Variants in NRXN3 observed in about 807,000 individuals in gnomAD.
NRXN3 encodes the protein neurexin 3, also known as neurexin III.
NRXN3 carries 32 observed loss-of-function variants against 137.6 expected under a neutral mutation model. That is an observed-to-expected ratio of 0.23 (90% CI 0.18 to 0.31). The LOEUF is 0.31. NRXN3 is among the 10% of genes least tolerant of loss of function. NRXN3 has a pLI of 1.00. For missense variants in NRXN3, 1,574 were observed against 2,062.5 expected (o/e 0.76, Z 4.59); for synonymous variants, 798 against 784.5 (o/e 1.02, Z -0.29).
chr14:78,891,158 G>A (rs184816350), intron 10 of NRXN3, among the ~76,000 whole-genome samples: 21 of 151,944 alleles, frequency 1.4e-4, no homozygotes, highest in Non-Finnish European at 2.4e-4. Flanking sequence ...AGGGTGCCAC[G>A]TCTGTCCAAT....
chr14:78,285,573 GT>G (rs1283088381), intron 3 of NRXN3, among the ~76,000 whole-genome samples: 1 of 152,134 alleles, frequency 6.6e-6, no homozygotes, highest in African/African-American at 2.4e-5. Context: ...TTCCACTAGA[GT>G]GTACACTTCA....
chr14:78,325,869 G>C (rs1236942305), intron 4 of NRXN3, among the ~76,000 whole-genome samples: 2 of 152,104 alleles, frequency 1.3e-5, no homozygotes, highest in Non-Finnish European at 2.9e-5. Flanking sequence ...GTTGAGCTTT[G>C]TATTATTCAA....
chr14:78,423,905 G>T (rs900406411), intron 4 of NRXN3, among the ~76,000 whole-genome samples: 12 of 152,202 alleles, frequency 7.9e-5, no homozygotes, highest in Non-Finnish European at 1.6e-4. Context: ...AGGAAATATT[G>T]TTCCCGTAGG....
intron 8 of NRXN3, among the ~76,000 whole-genome samples, chr14:78,717,345 A>C (rs1332987443): frequency 6.6e-6 from 1 of 152,142 alleles, no homozygotes; most frequent in Admixed American, 6.6e-5. Flanking sequence ...CTGATTGGGG[A>C]TATATGAGGG....
At chr14:78,346,061 A>G (rs896402941) in intron 4 of NRXN3, among the ~76,000 whole-genome samples, 5 of 152,176 alleles carry the variant, frequency 3.3e-5, no homozygotes, top group African/African-American at 4.8e-5. Context: ...GGGAAAGGCC[A>G]TGGGTGCTGG....
chr14:78,655,512 C>G (rs1202211544), intron 6 of NRXN3, among the ~76,000 whole-genome samples: 1 of 152,042 alleles, frequency 6.6e-6, no homozygotes, highest in Non-Finnish European at 1.5e-5. Context: ...TCCCACCTGC[C>G]CTCAATGATG....
In NRXN3 at chr14:79,530,966, G is replaced by T. The variant is rs1212854736; in HGVS notation, c.3444+63564G>T. Reference sequence around the variant, plus strand: ...TTATCTCACGGAAACATGAAGAAATGTCTTCATTAATGTTTTTGATCTCAG... The same window carrying T: ...TTATCTCACGGAAACATGAAGAAATTTCTTCATTAATGTTTTTGATCTCAG... On this transcript the variant is annotated intron_variant, in intron 16 of 20. Transcript: ENST00000335750. Among the ~76,000 whole-genome samples, 10 of 152,220 alleles carry T rather than the reference G, an allele frequency of 6.6e-5. No individual in the cohort carries two copies. The South Asian group carries it at 1.5e-3, about 22-fold the overall frequency.
At chr14:78,602,202 A>G (rs111345822) in intron 4 of NRXN3, among the ~76,000 whole-genome samples, 1 of 146,514 alleles carries the variant, frequency 6.8e-6, no homozygotes, top group African/African-American at 2.6e-5. Context: ...TCAGAAAACA[A>G]TTTTCTTTCT....
intron 4 of NRXN3, among the ~76,000 whole-genome samples, chr14:78,474,294 A>G (rs901969333): frequency 6.6e-6 from 1 of 152,234 alleles, no homozygotes; most frequent in African/African-American, 2.4e-5. Context: ...TGGAGTGTAC[A>G]TAACAAGGGG....
intron 19 of NRXN3, among the ~76,000 whole-genome samples, chr14:79,758,032 C>G (rs2099025671): frequency 6.6e-6 from 1 of 152,004 alleles, no homozygotes; most frequent in Non-Finnish European, 1.5e-5. Context: ...GTGAACTGAC[C>G]TTAAGGGAAT....
intron 4 of NRXN3, among the ~76,000 whole-genome samples, chr14:78,397,506 C>A (rs2091592212): frequency 6.6e-6 from 1 of 151,494 alleles, no homozygotes; most frequent in Non-Finnish European, 1.5e-5. Flanking sequence ...TTTTTTTTCC[C>A]ATTCTTAAAA....
At chr14:79,325,323 T>C (rs2090688995) in intron 15 of NRXN3, among the ~76,000 whole-genome samples, 3 of 152,152 alleles carry the variant, frequency 2.0e-5, no homozygotes, top group African/African-American at 4.8e-5. Context: ...GCCATGCTAG[T>C]ATTGACAAGG....
intron 10 of NRXN3, among the ~76,000 whole-genome samples, chr14:78,944,662 C>G (rs2099361771): frequency 6.6e-6 from 1 of 152,082 alleles, no homozygotes; most frequent in African/African-American, 2.4e-5. Context: ...TTGCAGGAAA[C>G]CCCCAGAAAC....
intron 4 of NRXN3, among the ~76,000 whole-genome samples, chr14:78,526,200 C>T (rs1018065155): frequency 1.3e-5 from 2 of 152,208 alleles, no homozygotes; most frequent in Non-Finnish European, 2.9e-5. Flanking sequence ...TGTCACACTT[C>T]AACAGCAGAA....
intron 15 of NRXN3, among the ~76,000 whole-genome samples, chr14:78,995,518 A>G (rs760930939): frequency 1.6e-4 from 24 of 152,192 alleles, no homozygotes; most frequent in Non-Finnish European, 1.9e-4. Context: ...AAGTGCAGAT[A>G]TTTTGTAGGT....
chr14:79,669,663 A>G (rs1468069909), intron 17 of NRXN3, among the ~76,000 whole-genome samples: 2 of 152,076 alleles, frequency 1.3e-5, no homozygotes, highest in African/African-American at 4.8e-5. Flanking sequence ...AGTTTAATAA[A>G]TTGCCAGTGC....
At chr14:79,111,839 AG>A (rs1275698329) in intron 15 of NRXN3, among the ~76,000 whole-genome samples, 3 of 152,176 alleles carry the variant, frequency 2.0e-5, no homozygotes, top group Non-Finnish European at 4.4e-5. Flanking sequence ...AAAAAAGGAA[AG>A]CTTTGAAGAG....
At chr14:79,631,371 C>A (rs2098343377) in intron 16 of NRXN3, among the ~76,000 whole-genome samples, 1 of 152,268 alleles carries the variant, frequency 6.6e-6, no homozygotes, top group African/African-American at 2.4e-5. Flanking sequence ...GCTGGAAGAG[C>A]CCTTCAGTCC....
chr14:78,713,201 G>A (rs908645856), intron 7 of NRXN3, among the ~76,000 whole-genome samples: 1 of 152,162 alleles, frequency 6.6e-6, no homozygotes, highest in African/African-American at 2.4e-5. Context: ...AGGTTAGCTT[G>A]TGGGGTTTCA....
Sources: gnomAD v4.1 joint callset for allele counts (sites outside exome capture counted in the v4.1 genomes callset) on GRCh38, gnomAD v4.1.1 for gene constraint, MANE v1.5 for transcripts, NCBI Gene and HGNC (gene_info 2026-07-23, HGNC 2026-07-21) for gene names.